The following RANBP10 variants were observed in gnomAD, a reference collection of about 807,000 sequenced individuals.
RANBP10 encodes the protein RAN binding protein 10.
A neutral mutation model predicts 72.8 loss-of-function variants in RANBP10; 24 were observed. The ratio of observed to expected loss-of-function variants is 0.33; its 90% CI spans 0.24 to 0.46. The LOEUF is 0.46. Among genes scored for constraint, RANBP10 ranks in the 20% least tolerant of loss-of-function variants. RANBP10 has a pLI of 1.00. For missense variants in RANBP10, 679 were observed against 817.5 expected (o/e 0.83, Z 2.07); for synonymous variants, 310 against 322.3 (o/e 0.96, Z 0.41).
Position 67,769,443 on chromosome 16 carries a change from C to CAAAAA in RANBP10, c.400+2586_400+2590dup, listed in dbSNP as rs768960411. Among the ~76,000 whole-genome samples, 37 of 30,304 alleles carry CAAAAA rather than the reference C, an allele frequency of 1.2e-3. 6 individuals are homozygous for CAAAAA. The highest frequency in any genetic ancestry group is 4.6e-3 in the African/African-American group (37 of 7,982). 19.9% of individuals were successfully genotyped at this position (30,304 alleles called of 152,430 possible). On this transcript the variant is annotated intron_variant, in intron 3 of 13. Coordinates refer to ENST00000317506, the MANE Select transcript of RANBP10 (RefSeq NM_020850.3). Reference sequence around the variant, plus strand: ...TGGGAAACGAAGCAAGACCCTGTCTCAAAAAAAAAAAAAAAAAAAGTGCTG... The same window carrying CAAAAA: ...TGGGAAACGAAGCAAGACCCTGTCTCAAAAAAAAAAAAAAAAAAAAAAAAGTGCTG...
rs146688399 is a variant in RANBP10 at position 67,731,767 on chromosome 16, G to A, written c.777-183C>T. Among the ~76,000 whole-genome samples the A allele has an allele frequency of 2.0e-5, 3 of 152,280 alleles. No individual in the cohort carries two copies. In the East Asian group the frequency reaches 5.8e-4, roughly 29 times the overall value. On this transcript the variant is annotated intron_variant, in intron 6 of 13. Coordinates refer to ENST00000317506, the MANE Select transcript of RANBP10 (RefSeq NM_020850.3). The stretch of plus-strand genomic sequence containing the variant: ...GAAAACTTCCCCCATGGTGCCCCAC[G>A]GTCATGAAGTCAGGCTTCGGAGGGG...
chr16:67,749,375 G>A (rs1430348403), intron 3 of RANBP10, among the ~76,000 whole-genome samples: 1 of 152,242 alleles, frequency 6.6e-6, no homozygotes, highest in African/African-American at 2.4e-5. Context: ...ACGGCTCTCA[G>A]AAACTGGTGG....
intron 5 of RANBP10, among the ~76,000 whole-genome samples, chr16:67,737,074 G>A (rs2053861948): frequency 6.6e-6 from 1 of 150,852 alleles, no homozygotes; most frequent in African/African-American, 2.4e-5. Context: ...AGAGACTGGA[G>A]TACAGGTGCG....
At position 67,755,941 on chromosome 16, in the gene RANBP10, G is replaced by C. The variant is rs867093428; in HGVS notation, c.401-11486C>G. On this transcript the variant is annotated intron_variant, in intron 3 of 13. Transcript: ENST00000317506. ...CAAAAGTCTATGCCCGGCCATGTCAGGTACTATGAAATGCCAGTGATGCAA... is the reference window on the plus strand; with the variant it reads ...CAAAAGTCTATGCCCGGCCATGTCACGTACTATGAAATGCCAGTGATGCAA... Among the ~76,000 whole-genome samples the C allele has an allele frequency of 4.6e-5, 7 of 152,304 alleles. 1 individual carries two copies. The South Asian group carries it at 1.0e-3, about 23-fold the overall frequency.
At chr16:67,759,273 G>C (rs2054348983) in intron 3 of RANBP10, among the ~76,000 whole-genome samples, 1 of 152,226 alleles carries the variant, frequency 6.6e-6, no homozygotes, top group Non-Finnish European at 1.5e-5. Context: ...GAGAAAGGCA[G>C]AGAGGGGCAA....
intron 3 of RANBP10, 35 bp from the exon 4 acceptor site, chr16:67,744,490 T>A: frequency 6.3e-7 from 1 of 1,579,258 alleles, no homozygotes; most frequent in South Asian, 1.1e-5. Flanking sequence ...ACTGAGTAGG[T>A]ACTTGAGGGA....
Position 67,724,013 on chromosome 16 carries a change from CAGTG to C in RANBP10, c.*2411_*2414del, listed in dbSNP as rs1403767680. The C allele has an allele frequency of 2.6e-5, 4 of 152,756 alleles. No individual in the cohort carries two copies. The highest frequency in any genetic ancestry group is 9.6e-5 in the African/African-American group (4 of 41,458). The allele number at this position is 152,756 out of a possible 1,614,324, so 9.5% of individuals were successfully genotyped here. ...GTAAACAACTTGGACTCAGCTGAAACAGTGAGATAAGGCACAGAAAATGGGGAGG... is the reference window on the plus strand; with the variant it reads ...GTAAACAACTTGGACTCAGCTGAAACAGATAAGGCACAGAAAATGGGGAGG... On this transcript the variant is annotated 3_prime_UTR_variant, in exon 14 of 14. Transcript: ENST00000317506.
At chr16:67,783,409 C>G (rs957271282) in intron 2 of RANBP10, among the ~76,000 whole-genome samples, 1 of 152,140 alleles carries the variant, frequency 6.6e-6, no homozygotes, top group African/African-American at 2.4e-5. Flanking sequence ...GCACAGAGAA[C>G]CCCTTTGGCA....
intron 3 of RANBP10, among the ~76,000 whole-genome samples, chr16:67,754,463 A>C (rs1407238160): frequency 6.6e-6 from 1 of 152,230 alleles, no homozygotes; most frequent in Non-Finnish European, 1.5e-5. Context: ...AGGACAGGAC[A>C]AACATGCACC....
At chr16:67,746,176 A>G (rs2054073214) in intron 3 of RANBP10, among the ~76,000 whole-genome samples, 2 of 149,874 alleles carry the variant, frequency 1.3e-5, no homozygotes, top group Admixed American at 1.3e-4. Flanking sequence ...AAAAATAAAG[A>G]AATTTTAAAA....
Position 67,731,537 on chromosome 16 carries a change from G to T in RANBP10, c.824C>A (p.Thr275Lys). The T allele has an allele frequency of 1.2e-6, 2 of 1,614,198 alleles. No individual in the cohort carries two copies. The highest frequency in any genetic ancestry group is 1.7e-6 in the Non-Finnish European group (2 of 1,180,024). Residue 275 changes from threonine (T) to lysine (K), a missense_variant, in exon 7 of 14, where the codon ACG becomes AAG. By Grantham distance (78) the Thr-to-Lys change is moderately conservative. Transcript: ENST00000317506. The part of the protein sequence containing the change: ...LVHHGYCATA[T>K]AFARMTETPI... ...GGTTTCAGTCATTCGAGCAAAAGCC[G>T]TGGCTGTGGCACAATACCCATGATG...
At chr16:67,784,071 A>G (rs1391959960) in intron 2 of RANBP10, among the ~76,000 whole-genome samples, 1 of 151,844 alleles carries the variant, frequency 6.6e-6, no homozygotes, top group African/African-American at 2.4e-5. Flanking sequence ...AAAAGACATC[A>G]AAGGAAAAGA....
At chr16:67,751,784 C>T (rs1238515836) in intron 3 of RANBP10, among the ~76,000 whole-genome samples, 2 of 151,918 alleles carry the variant, frequency 1.3e-5, no homozygotes, top group African/African-American at 4.8e-5. Flanking sequence ...GGCGTGGTGG[C>T]GTGCTCCTGT....
chr16:67,796,300 A>T (rs890809048), intron 2 of RANBP10, among the ~76,000 whole-genome samples: 2 of 152,264 alleles, frequency 1.3e-5, no homozygotes, highest in South Asian at 2.1e-4. Context: ...CCATTTTTTT[A>T]AAAAGTCCAT....
chr16:67,780,124 C>T (rs1489853149), intron 2 of RANBP10, among the ~76,000 whole-genome samples: 2 of 151,970 alleles, frequency 1.3e-5, no homozygotes, highest in African/African-American at 2.4e-5. Flanking sequence ...CCCAGCTACT[C>T]GTGAGGCTGA....
rs777611875 is a variant in RANBP10, at chr16:67,805,497, G to A, written c.278C>T (p.Thr93Ile). 17 of 1,614,164 alleles carry A rather than the reference G, an allele frequency of 1.1e-5. No individual in the cohort carries two copies. The highest frequency in any genetic ancestry group is 4.4e-5 in the South Asian group (4 of 91,072). ...GCCACAGGCAGCAGGTATGGGGTGG[G>A]TGGCACGCACTGAGGCCGCATCTTT... is the stretch of plus-strand genomic sequence containing the variant. ...NHKDAASVRATHPIPAACGIY... is the reference protein window; with the variant it reads ...NHKDAASVRAIHPIPAACGIY... Residue 93 changes from threonine (T) to isoleucine (I), a missense_variant, in exon 2 of 14, where the codon ACC becomes ATC. Thr to Ile is a moderately conservative substitution (Grantham distance 89). Coordinates refer to ENST00000317506, the MANE Select transcript of RANBP10 (RefSeq NM_020850.3).
Position 67,727,752 on chromosome 16 carries a change from T to C in RANBP10, c.1619A>G (p.Gln540Arg), listed in dbSNP as rs1452741681. The C allele has an allele frequency of 6.2e-7, 1 of 1,614,188 alleles. No homozygotes were observed. Among genetic ancestry groups the C allele is most frequent in the South Asian group, 1.1e-5 (1 of 91,082 alleles). ...GKNLAHTEML[Q>R]DAFSLLAYSD... is the part of the protein sequence containing the mutation. ...CATGAGGCCCGGCTCATCCTGTACC[T>C]GCAGCATCTCTGTGTGGGCCAAATT... Residue 540 changes from glutamine (Q) to arginine (R), a missense_variant and splice_region_variant, in exon 12 of 14, where the codon CAG (glutamine) becomes CGG (arginine). Transcript: ENST00000317506.
chr16:67,737,418 G>A (rs943629459), intron 5 of RANBP10, among the ~76,000 whole-genome samples: 1 of 151,776 alleles, frequency 6.6e-6, no homozygotes. Flanking sequence ...TAGCCAGGAC[G>A]ATCTTGATCT....
chr16:67,781,865 C>T (rs566163837), intron 2 of RANBP10, among the ~76,000 whole-genome samples: 3 of 152,296 alleles, frequency 2.0e-5, no homozygotes, highest in East Asian at 3.9e-4. Context: ...AGCAACCGCA[C>T]CTGGAAGCAG....
Sources: allele counts gnomAD v4.1 joint callset (sites outside exome capture counted in the v4.1 genomes callset), GRCh38; gene constraint gnomAD v4.1.1; transcripts MANE v1.5; gene names NCBI Gene and HGNC (gene_info 2026-07-23, HGNC 2026-07-21).